UNC5D: variants seen among roughly 807,000 people sequenced by gnomAD.
The protein encoded by UNC5D is netrin receptor UNC5D.
In UNC5D, 39 loss-of-function variants were observed where a neutral mutation model predicts 105.4. That is an observed-to-expected ratio of 0.37 (90% CI 0.29 to 0.48). The LOEUF is 0.48. UNC5D is among the 20% of genes least tolerant of loss of function. UNC5D has a pLI of 0.98. For synonymous variants in UNC5D, 452 were observed against 450.4 expected, an observed-to-expected ratio of 1.00 and a Z score of -0.04; for missense variants, 991 against 1,202.4, an observed-to-expected ratio of 0.82 and a Z score of 2.60.
At chr8:35,255,778 T>C (rs1360628040) in intron 1 of UNC5D, 2 of 152,200 alleles carry the variant, frequency 1.3e-5, no homozygotes, top group African/African-American at 4.8e-5. Context: ...TATTCTGCTT[T>C]TTTTGTCTTA....
At chr8:35,725,996 C>T (rs1230877078) in intron 9 of UNC5D, among the ~76,000 whole-genome samples, 156 bp from the exon 10 acceptor site, 2 of 152,208 alleles carry the variant, frequency 1.3e-5, no homozygotes, top group Admixed American at 1.3e-4. Context: ...GTTCTAGTCA[C>T]TAGCACCCAA....
chr8:35,616,254 G>A (rs1465488014), intron 4 of UNC5D, among the ~76,000 whole-genome samples: 1 of 152,202 alleles, frequency 6.6e-6, no homozygotes, highest in Non-Finnish European at 1.5e-5. Flanking sequence ...AGCCTGTTCT[G>A]TTAAACTTTA....
intron 4 of UNC5D, among the ~76,000 whole-genome samples, chr8:35,636,929 C>T (rs1399032480): frequency 6.6e-6 from 1 of 152,206 alleles, no homozygotes; most frequent in Non-Finnish European, 1.5e-5. Context: ...GAGACCAGGA[C>T]TTCGAGTCTG....
intron 4 of UNC5D, among the ~76,000 whole-genome samples, chr8:35,662,953 G>A (rs1354552655): frequency 6.6e-6 from 1 of 152,170 alleles, no homozygotes; most frequent in Non-Finnish European, 1.5e-5. Context: ...GTATGCGAGG[G>A]ATCTAGGTAG....
intron 1 of UNC5D, among the ~76,000 whole-genome samples, chr8:35,537,031 G>T (rs777651915): frequency 1.3e-5 from 2 of 151,846 alleles, no homozygotes; most frequent in African/African-American, 2.4e-5. Context: ...AACAAAAAAG[G>T]TGTTATTGGT....
At chr8:35,614,728 C>T (rs1276844123) in intron 4 of UNC5D, among the ~76,000 whole-genome samples, 1 of 152,250 alleles carries the variant, frequency 6.6e-6, no homozygotes, top group South Asian at 2.1e-4. Context: ...CAAATACCCT[C>T]ATCATTAATA....
chr8:35,734,852 G>A (rs1829384324), intron 11 of UNC5D, among the ~76,000 whole-genome samples: 1 of 142,032 alleles, frequency 7.0e-6, no homozygotes, highest in South Asian at 2.2e-4. Context: ...GCGCCATCTT[G>A]GCTCACTGCA....
At chr8:35,289,564 C>T (rs899562518) in intron 1 of UNC5D, among the ~76,000 whole-genome samples, 27 of 152,146 alleles carry the variant, frequency 1.8e-4, no homozygotes, top group African/African-American at 6.3e-4. Flanking sequence ...TCCTCAAATG[C>T]ATATGGAACA....
intron 1 of UNC5D, among the ~76,000 whole-genome samples, chr8:35,372,251 G>A (rs1171031794): frequency 6.6e-6 from 1 of 152,042 alleles, no homozygotes; most frequent in Non-Finnish European, 1.5e-5. Context: ...AGCCTCCCAA[G>A]TAGCTGGGGC....
rs781620027 is a variant in UNC5D, at chr8:35,568,090, A to G, written c.323-8A>G. The stretch of plus-strand genomic sequence containing the variant: ...AGCTGATTTGTCTCTTATCTCTCCC[A>G]CCATCAGGTTTGAAGGTCCGCGAAG... On this transcript the variant is annotated splice_region_variant and splice_polypyrimidine_tract_variant and intron_variant, in intron 2 of 16. Coordinates refer to ENST00000404895, the MANE Select transcript of UNC5D (RefSeq NM_080872.4). 1 of 1,613,844 alleles carries G rather than the reference A, an allele frequency of 6.2e-7. No individual in the cohort carries two copies. Among genetic ancestry groups the G allele is most frequent in the Admixed American group, 1.7e-5 (1 of 59,974 alleles).
chr8:35,302,630 A>T (rs980870084), intron 1 of UNC5D, among the ~76,000 whole-genome samples: 48 of 152,210 alleles, frequency 3.2e-4, no homozygotes, highest in African/African-American at 1.1e-3. Context: ...AATTTCTTTT[A>T]AAAAAATCTT....
At chr8:35,482,232 G>C (rs867207742) in intron 1 of UNC5D, among the ~76,000 whole-genome samples, 1 of 152,058 alleles carries the variant, frequency 6.6e-6, no homozygotes, top group Admixed American at 6.6e-5. Context: ...TTCCCTTATG[G>C]ATGGATTTGT....
intron 1 of UNC5D, among the ~76,000 whole-genome samples, chr8:35,405,383 G>GAT (rs1303356258): frequency 6.6e-6 from 1 of 152,156 alleles, no homozygotes; most frequent in Non-Finnish European, 1.5e-5. Context: ...AGACTGAATA[G>GAT]ATAACATCAT....
chr8:35,539,199 GA>G (rs1365960169), intron 1 of UNC5D, among the ~76,000 whole-genome samples: 77 of 152,022 alleles, frequency 5.1e-4, no homozygotes, highest in Non-Finnish European at 8.1e-4. Flanking sequence ...ACAGATACTA[GA>G]ATGAATCATA....
intron 1 of UNC5D, among the ~76,000 whole-genome samples, chr8:35,374,646 C>T (rs1477359513): frequency 1.3e-5 from 2 of 152,152 alleles, no homozygotes; most frequent in Admixed American, 1.3e-4. Flanking sequence ...AAAGGACACA[C>T]TAAATTCCCG....
At chr8:35,400,419 C>T (rs571766784) in intron 1 of UNC5D, among the ~76,000 whole-genome samples, 141 of 152,238 alleles carry the variant, frequency 9.3e-4, no homozygotes, top group Non-Finnish European at 1.6e-3. Flanking sequence ...AACCATCAAG[C>T]TCCTCATTAT....
At chr8:35,419,309 T>C (rs1034617604) in intron 1 of UNC5D, among the ~76,000 whole-genome samples, 4 of 152,140 alleles carry the variant, frequency 2.6e-5, no homozygotes, top group Admixed American at 2.0e-4. Flanking sequence ...TTCACTCAGC[T>C]CCAGGCTCAC....
At chr8:35,545,697 G>A (rs1466949620) in intron 1 of UNC5D, among the ~76,000 whole-genome samples, 2 of 151,486 alleles carry the variant, frequency 1.3e-5, no homozygotes, top group African/African-American at 2.4e-5. Flanking sequence ...TTTTTTAGAC[G>A]GATGCAAATA....
At chr8:35,447,268 ATTC>A (rs1245338809) in intron 1 of UNC5D, among the ~76,000 whole-genome samples, 1 of 152,084 alleles carries the variant, frequency 6.6e-6, no homozygotes, top group Admixed American at 6.6e-5. Flanking sequence ...ATGTACTAAA[ATTC>A]TTATTGAATT....
Sources: allele counts gnomAD v4.1 joint callset (sites outside exome capture counted in the v4.1 genomes callset), GRCh38; gene constraint gnomAD v4.1.1; transcripts MANE v1.5; gene names NCBI Gene and HGNC (gene_info 2026-07-23, HGNC 2026-07-21).